The following TENM4 variants were observed in gnomAD, a reference collection of about 807,000 sequenced individuals.
The protein encoded by TENM4 is teneurin-4.
In TENM4, 82 loss-of-function variants were observed where a neutral mutation model predicts 243.3. The observed-to-expected ratio is 0.34, with a 90% CI of 0.28 to 0.40. TENM4 has a LOEUF of 0.40. Among genes scored for constraint, TENM4 ranks in the 10% least tolerant of loss-of-function variants. The pLI, the probability that TENM4 is intolerant of heterozygous loss-of-function variation, is 1.00. For missense variants in TENM4, 3,138 were observed against 3,673.3 expected (o/e 0.85, Z 3.77); for synonymous variants, 1,412 against 1,456.3 (o/e 0.97, Z 0.69).
rs531815542 is a variant in TENM4, at chr11:79,002,717, T to C, written c.493+62021A>G. 2.6e-5 allele frequency among the ~76,000 whole-genome samples: 4 copies of C among 152,304 alleles called. No individual in the cohort carries two copies. In the East Asian group the frequency reaches 7.7e-4, roughly 29 times the overall value. ...CACAGATGAGAAAGAACTAGTGCAATAACTTTGAGATTTCAAAAAGCCAAG... is the reference window on the plus strand; with the variant it reads ...CACAGATGAGAAAGAACTAGTGCAACAACTTTGAGATTTCAAAAAGCCAAG... On this transcript the variant is annotated intron_variant, in intron 6 of 33. Transcript: ENST00000278550.
chr11:79,107,861 T>C (rs1861410959), intron 4 of TENM4, among the ~76,000 whole-genome samples: 1 of 152,212 alleles, frequency 6.6e-6, no homozygotes, highest in Non-Finnish European at 1.5e-5. Context: ...GGACCCTGGA[T>C]TGGGAAAATC....
intron 3 of TENM4, among the ~76,000 whole-genome samples, chr11:79,169,099 C>A (rs1312562601): frequency 2.6e-5 from 4 of 152,306 alleles, no homozygotes; most frequent in Admixed American, 1.3e-4. Flanking sequence ...CCTCTTCAGT[C>A]CCAGGCAAAT....
At chr11:78,986,481 A>G (rs1436191202) in intron 6 of TENM4, among the ~76,000 whole-genome samples, 1 of 152,136 alleles carries the variant, frequency 6.6e-6, no homozygotes, top group Non-Finnish European at 1.5e-5. Context: ...AGGTTCTCTG[A>G]CCCCTGGCAT....
At chr11:78,768,945 G>A (rs1856595429) in intron 18 of TENM4, among the ~76,000 whole-genome samples, 1 of 152,204 alleles carries the variant, frequency 6.6e-6, no homozygotes, top group Admixed American at 6.5e-5. Flanking sequence ...TTTCATGGGA[G>A]AGAATCAATG....
chr11:78,959,236 A>G (rs926021077), intron 6 of TENM4, among the ~76,000 whole-genome samples: 31 of 152,228 alleles, frequency 2.0e-4, no homozygotes, highest in African/African-American at 7.0e-4. Flanking sequence ...GAAGGATTAT[A>G]AGAGAACTTA....
At chr11:79,030,165 T>C (rs1407176134) in intron 6 of TENM4, among the ~76,000 whole-genome samples, 1 of 152,196 alleles carries the variant, frequency 6.6e-6, no homozygotes, top group Non-Finnish European at 1.5e-5. Context: ...AGAGCTGGTG[T>C]TGACTGAGCT....
intron 20 of TENM4, among the ~76,000 whole-genome samples, chr11:78,733,105 G>A (rs775499582): frequency 6.6e-6 from 1 of 152,168 alleles, no homozygotes; most frequent in Non-Finnish European, 1.5e-5. Flanking sequence ...TGACTCCACA[G>A]CAATCTTAGC....
At chr11:78,768,344 G>A (rs1221215692) in intron 18 of TENM4, among the ~76,000 whole-genome samples, 2 of 152,222 alleles carry the variant, frequency 1.3e-5, no homozygotes, top group Non-Finnish European at 2.9e-5. Context: ...GATGACCCAC[G>A]GGATGTCTTC....
intron 1 of TENM4, among the ~76,000 whole-genome samples, chr11:79,375,160 C>T (rs12287977): frequency 0.01 from 1,538 of 152,272 alleles, 24 homozygotes; most frequent in African/African-American, 0.035. Context: ...CTAGTGGGGG[C>T]CTCCAATTCA....
intron 2 of TENM4, among the ~76,000 whole-genome samples, chr11:79,248,671 A>G (rs574889088): frequency 4.9e-4 from 74 of 152,242 alleles, no homozygotes; most frequent in Non-Finnish European, 9.6e-4. Context: ...CTCCTCCTGC[A>G]TCTTCACAAG....
intron 2 of TENM4, among the ~76,000 whole-genome samples, chr11:79,258,581 T>C (rs1247221082): frequency 2.6e-5 from 4 of 152,134 alleles, no homozygotes; most frequent in Non-Finnish European, 4.4e-5. Context: ...ATGTGAGAAG[T>C]TTCCTGCCTG....
chr11:78,876,046 A>G (rs1460927587), intron 9 of TENM4, among the ~76,000 whole-genome samples: 5 of 152,288 alleles, frequency 3.3e-5, no homozygotes, highest in African/African-American at 9.6e-5. Flanking sequence ...CATAGGGTTT[A>G]TAGTTGGAAA....
chr11:79,239,247 T>G (rs1181598429), intron 2 of TENM4, among the ~76,000 whole-genome samples: 1 of 152,178 alleles, frequency 6.6e-6, no homozygotes, highest in Admixed American at 6.5e-5. Context: ...AAACCAGTCT[T>G]GAAAAGTCCT....
At chr11:79,237,317 A>G (rs917041503) in intron 2 of TENM4, among the ~76,000 whole-genome samples, 1 of 152,204 alleles carries the variant, frequency 6.6e-6, no homozygotes, top group Non-Finnish European at 1.5e-5. Context: ...CACTGCCCTG[A>G]TGCCCTGCTA....
chr11:79,123,655 G>A (rs542577472), intron 4 of TENM4, among the ~76,000 whole-genome samples: 1 of 148,840 alleles, frequency 6.7e-6, no homozygotes, highest in Admixed American at 6.7e-5. Flanking sequence ...GACAGAGACT[G>A]TGCTAGGCTT....
At chr11:78,721,566 C>T (rs1859653652) in intron 24 of TENM4, among the ~76,000 whole-genome samples, 1 of 152,218 alleles carries the variant, frequency 6.6e-6, no homozygotes, top group African/African-American at 2.4e-5. Context: ...ATTCTAGAAG[C>T]TGGACCTCAG....
At chr11:78,758,230 TG>T (rs1412751298) in intron 18 of TENM4, among the ~76,000 whole-genome samples, 1 of 152,178 alleles carries the variant, frequency 6.6e-6, no homozygotes, top group Non-Finnish European at 1.5e-5. Context: ...CTCACCACCG[TG>T]GGAGCGCACA....
At chr11:78,778,328 G>GT (rs1300871688) in intron 17 of TENM4, among the ~76,000 whole-genome samples, 1 of 34,832 alleles carries the variant, frequency 2.9e-5, no homozygotes, top group African/African-American at 7.9e-4. Context: ...TATGTGGGGC[G>GT]GGGGGAGGGA....
chr11:79,383,185 G>A (rs1460834190), intron 1 of TENM4, among the ~76,000 whole-genome samples: 1 of 152,224 alleles, frequency 6.6e-6, no homozygotes, highest in Middle Eastern at 3.2e-3. Context: ...CAGGAGAGGG[G>A]AGGGCAGGAG....
Sources: allele counts gnomAD v4.1 joint callset (sites outside exome capture counted in the v4.1 genomes callset), GRCh38; gene constraint gnomAD v4.1.1; transcripts MANE v1.5; gene names NCBI Gene and HGNC (gene_info 2026-07-23, HGNC 2026-07-21).